The following PLA2G4A variants were observed in gnomAD, a reference collection of about 807,000 sequenced individuals.
PLA2G4A encodes the protein cytosolic phospholipase A2.
Under a neutral mutation model 81.9 loss-of-function variants are expected in PLA2G4A, and 40 were observed. The observed-to-expected ratio is 0.49, with a 90% CI of 0.38 to 0.64. The LOEUF is 0.64. Among genes scored for constraint, PLA2G4A ranks in the 30% least tolerant of loss-of-function variants. PLA2G4A has a pLI of 0.00. For missense variants in PLA2G4A, 715 were observed against 905.1 expected (o/e 0.79, Z 2.69); for synonymous variants, 302 against 296.9 (o/e 1.02, Z -0.18).
At chr1:186,978,348 T>G (rs1657603509) in intron 16 of PLA2G4A, among the ~76,000 whole-genome samples, 2 of 152,220 alleles carry the variant, frequency 1.3e-5, no homozygotes, top group East Asian at 1.9e-4. Context: ...CCAAAGGAGA[T>G]CTAAAGATTT....
At chr1:186,845,474 T>C (rs943847914) in intron 1 of PLA2G4A, among the ~76,000 whole-genome samples, 1 of 152,102 alleles carries the variant, frequency 6.6e-6, no homozygotes, top group African/African-American at 2.4e-5. Context: ...ATCCCACAGA[T>C]AGAGAAAGGA....
intron 15 of PLA2G4A, among the ~76,000 whole-genome samples, chr1:186,966,740 C>G (rs558478907): frequency 6.6e-6 from 1 of 152,302 alleles, no homozygotes; most frequent in East Asian, 1.9e-4. Context: ...CAAGTGTTAT[C>G]TTTCTTGACT....
chr1:186,907,118 TTA>T, intron 6 of PLA2G4A, 116 bp downstream of exon 6: 2 of 644,838 alleles, frequency 3.1e-6, no homozygotes, highest in Non-Finnish European at 5.6e-6. Context: ...TAGAAGTGCA[TTA>T]TGTTTACTTT....
intron 1 of PLA2G4A, among the ~76,000 whole-genome samples, chr1:186,833,505 A>C (rs1479213645): frequency 1.3e-5 from 2 of 152,160 alleles, no homozygotes; most frequent in Non-Finnish European, 2.9e-5. Flanking sequence ...CCCCTTGACT[A>C]TTAGGGCAAT....
At chr1:186,954,407 G>A (rs12738756) in intron 13 of PLA2G4A, among the ~76,000 whole-genome samples, 1,576 of 152,126 alleles carry the variant, frequency 0.01, 11 homozygotes, top group Middle Eastern at 0.017. Context: ...CTTGGACACC[G>A]GGTGGGGAAC....
At chr1:186,953,680 A>G (rs1306793465) in intron 13 of PLA2G4A, among the ~76,000 whole-genome samples, 1 of 152,206 alleles carries the variant, frequency 6.6e-6, no homozygotes, top group East Asian at 1.9e-4. Flanking sequence ...AAAGGGCTCT[A>G]AGTTGTAAAG....
intron 14 of PLA2G4A, among the ~76,000 whole-genome samples, chr1:186,960,591 T>C (rs1656909780): frequency 6.6e-6 from 1 of 152,200 alleles, no homozygotes; most frequent in African/African-American, 2.4e-5. Flanking sequence ...GATCTCCTTC[T>C]TCAAATACAA....
At chr1:186,878,436 G>T (rs892846618) in intron 3 of PLA2G4A, among the ~76,000 whole-genome samples, 1 of 150,254 alleles carries the variant, frequency 6.7e-6, no homozygotes, top group African/African-American at 2.4e-5. Context: ...TTTATTAATG[G>T]TTTTGGAATG....
intron 2 of PLA2G4A, among the ~76,000 whole-genome samples, chr1:186,862,318 G>T (rs1010858145): frequency 4.7e-5 from 7 of 148,508 alleles, no homozygotes; most frequent in Admixed American, 4.1e-4. Context: ...GGGTTCAAGC[G>T]ATTCTCTTGC....
At chr1:186,929,726 GA>G (rs906895545) in intron 7 of PLA2G4A, among the ~76,000 whole-genome samples, 5 of 151,686 alleles carry the variant, frequency 3.3e-5, no homozygotes, top group African/African-American at 9.7e-5. Context: ...TGTGACATTG[GA>G]AAAAAAATCT....
rs11806629 is a variant in PLA2G4A at position 186,953,694 on chromosome 1, G to A, written c.1337-2408G>A. On this transcript the variant is annotated intron_variant, in intron 13 of 17. Transcript: ENST00000367466. ...AAAAGGGCTCTAAGTTGTAAAGGGC[G>A]ATGCAAATAGAAATGTACTATTACT... 7.2e-3 allele frequency among the ~76,000 whole-genome samples: 1,090 copies of A among 152,250 alleles called. 18 individuals are homozygous for A. Among genetic ancestry groups the A allele is most frequent in the African/African-American group, 0.025 (1,028 of 41,554 alleles).
chr1:186,859,716 A>C (rs1558371480), intron 2 of PLA2G4A, among the ~76,000 whole-genome samples: 1 of 152,160 alleles, frequency 6.6e-6, no homozygotes, highest in Non-Finnish European at 1.5e-5. Flanking sequence ...TAACACAGGA[A>C]AGAAAACCAC....
intron 3 of PLA2G4A, among the ~76,000 whole-genome samples, chr1:186,892,430 C>G (rs1654177185): frequency 6.6e-6 from 1 of 152,122 alleles, no homozygotes; most frequent in African/African-American, 2.4e-5. Context: ...ATTTTGAGAT[C>G]TTAACATTTA....
chr1:186,894,165 C>A lies in PLA2G4A; in HGVS notation c.332C>A (p.Ser111Tyr). 1 of 1,507,260 alleles carries A rather than the reference C, an allele frequency of 6.6e-7. No individual in the cohort carries two copies. Among genetic ancestry groups the A allele is most frequent in the Non-Finnish European group, 9.2e-7 (1 of 1,082,672 alleles). The allele number at this position is 1,507,260 out of a possible 1,614,324, so 93.4% of individuals were successfully genotyped here. ...TLGTATFTVS[S>Y]MKVGEKKEVP... ...GGGACAGCAACATTTACTGTATCTT[C>A]TATGAAGGTGGGAGAAAAGAAAGAA... The change falls in exon 5 of 18, where the codon TCT (serine) becomes TAT (tyrosine). Residue 111 changes from serine (S) to tyrosine (Y), a missense_variant. Transcript: ENST00000367466.
At chr1:186,921,047 C>T (rs1007787096) in intron 7 of PLA2G4A, among the ~76,000 whole-genome samples, 1 of 152,216 alleles carries the variant, frequency 6.6e-6, no homozygotes, top group African/African-American at 2.4e-5. Flanking sequence ...GCTGGACTCT[C>T]CTCTTTTCCT....
rs761356405 is a variant in PLA2G4A at position 186,893,003 on chromosome 1, A to C, written c.116-8A>C. ...TACCTCCTTCTTGTTTGTGTTTACT[A>C]TCTGTAGTTGATACTCCAGATCCCT... On this transcript the variant is annotated splice_region_variant and splice_polypyrimidine_tract_variant and intron_variant, in intron 3 of 17. Transcript: ENST00000367466. The C allele has an allele frequency of 6.2e-7, 1 of 1,600,852 alleles. No individual in the cohort carries two copies. The highest frequency in any genetic ancestry group is 8.6e-7 in the Non-Finnish European group (1 of 1,167,952).
At chr1:186,842,944 T>C (rs1364537291) in intron 1 of PLA2G4A, among the ~76,000 whole-genome samples, 2 of 152,238 alleles carry the variant, frequency 1.3e-5, no homozygotes, top group African/African-American at 4.8e-5. Flanking sequence ...TCAGAAACTC[T>C]GCCTGTGCTT....
In PLA2G4A at chr1:186,894,126, TG is replaced by T; in HGVS notation, c.295del (p.Asp99MetfsTer4). ...ACGTTAATGGATGCCAATTATGTCATGGATGAAACTCTAGGGACAGCAACAT... is the reference window on the plus strand; with the variant it reads ...ACGTTAATGGATGCCAATTATGTCATGATGAAACTCTAGGGACAGCAACAT... ...EITLMDANYV[M>X]DETLGTATFT... On this transcript the variant is annotated frameshift_variant, in exon 5 of 18. Transcript: ENST00000367466. LOFTEE classifies it high-confidence loss of function. The T allele has an allele frequency of 1.4e-6, 2 of 1,455,706 alleles. No homozygotes were observed. The highest frequency in any genetic ancestry group is 9.7e-7 in the Non-Finnish European group (1 of 1,035,442). The allele number at this position is 1,455,706 out of a possible 1,614,324, so 90.2% of individuals were successfully genotyped here.
At chr1:186,960,086 G>A (rs1656893721) in intron 14 of PLA2G4A, among the ~76,000 whole-genome samples, 1 of 152,066 alleles carries the variant, frequency 6.6e-6, no homozygotes, top group Non-Finnish European at 1.5e-5. Flanking sequence ...ACTGTATTTT[G>A]TAAACAGAAG....
Sources: gnomAD v4.1 joint callset for allele counts (sites outside exome capture counted in the v4.1 genomes callset) on GRCh38, gnomAD v4.1.1 for gene constraint, MANE v1.5 for transcripts, NCBI Gene and HGNC (gene_info 2026-07-23, HGNC 2026-07-21) for gene names.